The following ADGRL2 variants were observed in gnomAD, a reference collection of about 807,000 sequenced individuals.
ADGRL2 encodes adhesion G protein-coupled receptor L2.
In ADGRL2, 44 loss-of-function variants were observed where a neutral mutation model predicts 157.4. The observed-to-expected ratio is 0.28, with a 90% CI of 0.22 to 0.36. The LOEUF (loss-of-function observed/expected upper bound fraction) is 0.36. Ranked by LOEUF, ADGRL2 falls within the 10% of genes least tolerant of loss-of-function variation. The pLI is 1.00. For missense variants in ADGRL2, 1,510 were observed against 1,768.9 expected (o/e 0.85, Z 2.63); for synonymous variants, 585 against 624.7 (o/e 0.94, Z 0.95).
At chr1:81,887,653 T>C (rs1571921634) in intron 2 of ADGRL2, among the ~76,000 whole-genome samples, 3 of 152,342 alleles carry the variant, frequency 2.0e-5, no homozygotes, top group African/African-American at 7.2e-5. Context: ...ATTTTAAACA[T>C]GTAGCTCTTC....
chr1:81,970,072 T>A (rs1658275473), intron 15 of ADGRL2, among the ~76,000 whole-genome samples: 1 of 152,164 alleles, frequency 6.6e-6, no homozygotes, highest in Non-Finnish European at 1.5e-5. Flanking sequence ...AGTAATGTTC[T>A]TCCTTGATGA....
intron 2 of ADGRL2, among the ~76,000 whole-genome samples, chr1:81,492,454 A>T (rs1464004434): frequency 1.3e-5 from 2 of 152,196 alleles, no homozygotes; most frequent in Admixed American, 1.3e-4. Flanking sequence ...TCTGATAATG[A>T]CAGTCTATTG....
At chr1:81,513,590 G>A (rs547139152) in intron 2 of ADGRL2, among the ~76,000 whole-genome samples, 2 of 152,260 alleles carry the variant, frequency 1.3e-5, no homozygotes, top group African/African-American at 4.8e-5. Context: ...ACTTACTCCA[G>A]GTTATACAGC....
intron 1 of ADGRL2, among the ~76,000 whole-genome samples, chr1:81,334,484 A>G (rs1336000311): frequency 6.6e-6 from 1 of 152,208 alleles, no homozygotes; most frequent in East Asian, 1.9e-4. Context: ...TTTCCCAAAT[A>G]TATCAGGATA....
At chr1:81,373,492 A>G (rs1205392654) in intron 1 of ADGRL2, among the ~76,000 whole-genome samples, 1 of 152,230 alleles carries the variant, frequency 6.6e-6, no homozygotes, top group African/African-American at 2.4e-5. Context: ...AACTCCTGTG[A>G]GTTTATCAAG....
chr1:81,921,123 G>T (rs911762504), intron 3 of ADGRL2, among the ~76,000 whole-genome samples: 1 of 152,050 alleles, frequency 6.6e-6, no homozygotes, highest in African/African-American at 2.4e-5. Context: ...TTGCTGAAAT[G>T]GAAAAGTTTA....
At chr1:81,963,522 G>T (rs1656117746) in intron 11 of ADGRL2, among the ~76,000 whole-genome samples, 1 of 151,934 alleles carries the variant, frequency 6.6e-6, no homozygotes, top group Non-Finnish European at 1.5e-5. Flanking sequence ...GATACATAAA[G>T]GTTTAGCCTT....
intron 2 of ADGRL2, among the ~76,000 whole-genome samples, chr1:81,855,022 G>A (rs1254722890): frequency 3.3e-5 from 5 of 152,136 alleles, no homozygotes; most frequent in African/African-American, 1.2e-4. Flanking sequence ...GCTGGATGGG[G>A]TTGACTATTG....
chr1:81,909,641 G>T (rs1425558977), intron 3 of ADGRL2, among the ~76,000 whole-genome samples: 1 of 151,926 alleles, frequency 6.6e-6, no homozygotes, highest in Non-Finnish European at 1.5e-5. Flanking sequence ...GAGAATTTCT[G>T]CCATCTTCAA....
chr1:81,985,234 T>C (rs781181247), intron 20 of ADGRL2, 25 bp from the exon 21 acceptor site: 2 of 1,330,330 alleles, frequency 1.5e-6, no homozygotes, highest in Non-Finnish European at 1.1e-6. Context: ...CAAAACATAT[T>C]TGTCTTGCTG....
intron 1 of ADGRL2, among the ~76,000 whole-genome samples, chr1:81,314,037 T>A (rs1459116008): frequency 6.6e-6 from 1 of 152,178 alleles, no homozygotes; most frequent in African/African-American, 2.4e-5. Flanking sequence ...AAGATAAACA[T>A]GTATTAGGCA....
At chr1:81,415,258 C>A (rs150429530) in intron 1 of ADGRL2, among the ~76,000 whole-genome samples, 88 of 152,236 alleles carry the variant, frequency 5.8e-4, no homozygotes, top group Middle Eastern at 3.4e-3. Context: ...AGTAGTATCA[C>A]GGAAGAATTT....
intron 17 of ADGRL2, among the ~76,000 whole-genome samples, chr1:81,978,490 T>C (rs1660789373): frequency 6.6e-6 from 1 of 151,776 alleles, no homozygotes; most frequent in Non-Finnish European, 1.5e-5. Context: ...GAATGTTACC[T>C]GCCAACACTT....
At chr1:81,705,903 C>G (rs1570899503) in intron 1 of ADGRL2, among the ~76,000 whole-genome samples, 1 of 151,844 alleles carries the variant, frequency 6.6e-6, no homozygotes, top group East Asian at 2.0e-4. Context: ...AGAGCAAGAC[C>G]TTATCTTTAA....
chr1:81,920,361 T>C (rs1294609182), intron 3 of ADGRL2, among the ~76,000 whole-genome samples: 1 of 152,122 alleles, frequency 6.6e-6, no homozygotes, highest in Non-Finnish European at 1.5e-5. Context: ...TCTTTACCAT[T>C]AGTGTTATGG....
chr1:81,749,091 G>GA (rs2085407404), intron 1 of ADGRL2, among the ~76,000 whole-genome samples: 1 of 152,052 alleles, frequency 6.6e-6, no homozygotes, highest in Non-Finnish European at 1.5e-5. Flanking sequence ...AATGCACATG[G>GA]AAAATCCAAT....
chr1:81,497,878 A>G (rs775474943), intron 2 of ADGRL2, among the ~76,000 whole-genome samples: 9 of 152,234 alleles, frequency 5.9e-5, no homozygotes, highest in Non-Finnish European at 1.0e-4. Flanking sequence ...GCTAAAGCAT[A>G]CAATAGATCA....
chr1:81,585,689 G>T (rs2081011909), intron 3 of ADGRL2, among the ~76,000 whole-genome samples: 1 of 152,242 alleles, frequency 6.6e-6, no homozygotes, highest in East Asian at 1.9e-4. Context: ...CAGAGGTGAT[G>T]TGGGATTATT....
intron 1 of ADGRL2, among the ~76,000 whole-genome samples, chr1:81,413,716 G>A (rs1341872742): frequency 6.6e-6 from 1 of 152,146 alleles, no homozygotes; most frequent in Non-Finnish European, 1.5e-5. Context: ...AAGAAAAAGA[G>A]TTTATTAGAT....
Sources: gnomAD v4.1 joint callset for allele counts (sites outside exome capture counted in the v4.1 genomes callset) on GRCh38, gnomAD v4.1.1 for gene constraint, MANE v1.5 for transcripts, NCBI Gene and HGNC (gene_info 2026-07-23, HGNC 2026-07-21) for gene names.